CCDC60: variants seen among roughly 807,000 people sequenced by gnomAD.
The protein encoded by CCDC60 is coiled-coil domain containing 60.
Under a neutral mutation model 63.5 loss-of-function variants are expected in CCDC60, and 54 were observed. That is an observed-to-expected ratio of 0.85 (90% confidence interval 0.68 to 1.07). The LOEUF is 1.07. Ranked by LOEUF, CCDC60 falls within the 50% of genes least tolerant of loss-of-function variation. The pLI, the probability that CCDC60 is intolerant of heterozygous loss-of-function variation, is 0.00. For synonymous variants in CCDC60, 206 were observed against 238.8 expected, an observed-to-expected ratio of 0.86 and a Z score of 1.27; for missense variants, 651 against 684.3, an observed-to-expected ratio of 0.95 and a Z score of 0.54.
In CCDC60 at chr12:119,472,123, C is replaced by T. The variant is rs753492770; in HGVS notation, c.300C>T (p.Ala100=). 5.0e-6 allele frequency: 8 copies of T among 1,614,096 alleles called. No individual in the cohort carries two copies. Among genetic ancestry groups the T allele is most frequent in the Non-Finnish European group, 5.1e-6 (6 of 1,180,016 alleles). ...KEEERNKFQP[A]EKISEIHYGD... is the part of the protein sequence containing the mutation. The stretch of plus-strand genomic sequence containing the variant: ...AGGAAAGAAATAAATTCCAGCCAGC[C>T]GAAAAGATCTCAGAAATCCACTATG... Residue 100 remains alanine, a synonymous_variant, in exon 3 of 14, where the codon GCC becomes GCT. Coordinates refer to ENST00000327554, the MANE Select transcript of CCDC60 (RefSeq NM_178499.5).
intron 4 of CCDC60, among the ~76,000 whole-genome samples, chr12:119,483,036 T>C (rs1231244518): frequency 6.6e-6 from 1 of 152,138 alleles, no homozygotes; most frequent in East Asian, 1.9e-4. Flanking sequence ...GTGCTGGTGA[T>C]GATTATTGCA....
intron 3 of CCDC60, among the ~76,000 whole-genome samples, chr12:119,475,041 T>C (rs1566029389): frequency 6.6e-6 from 1 of 152,166 alleles, no homozygotes; most frequent in Non-Finnish European, 1.5e-5. Context: ...TCATGGCTGT[T>C]GGGATCCCAG....
At chr12:119,455,681 T>C (rs1415860265) in intron 2 of CCDC60, among the ~76,000 whole-genome samples, 1 of 150,252 alleles carries the variant, frequency 6.7e-6, no homozygotes, top group African/African-American at 2.5e-5. Flanking sequence ...TGAGCTATGA[T>C]GGCACCACTG....
At chr12:119,528,525 G>T in intron 11 of CCDC60, 90 bp from the exon 12 acceptor site, 1 of 1,392,986 alleles carries the variant, frequency 7.2e-7, no homozygotes, top group African/African-American at 1.4e-5. Flanking sequence ...TGAAGGAAAA[G>T]GTGTTTAAGT....
chr12:119,388,196 G>C (rs1237360915), intron 1 of CCDC60: 2 of 152,210 alleles, frequency 1.3e-5, no homozygotes. Flanking sequence ...GACATGTGCA[G>C]ACATGCCTCT....
intron 4 of CCDC60, among the ~76,000 whole-genome samples, chr12:119,482,397 A>T (rs1252352102): frequency 2.0e-5 from 3 of 151,960 alleles, no homozygotes; most frequent in Non-Finnish European, 4.4e-5. Context: ...GGGTCAGCAA[A>T]CTTTTCTTTA....
intron 1 of CCDC60, among the ~76,000 whole-genome samples, chr12:119,353,486 GTCTCTGTC>G (rs1055958495): frequency 1.8e-4 from 14 of 79,518 alleles, no homozygotes; most frequent in Non-Finnish European, 2.2e-4. Flanking sequence ...CTCCGTCTCT[GTCTCTGTC>G]TCTCTGTCTC....
chr12:119,464,365 A>C (rs1270561245), intron 2 of CCDC60, among the ~76,000 whole-genome samples: 28 of 112,150 alleles, frequency 2.5e-4, no homozygotes, highest in Admixed American at 5.8e-4. Context: ...CCTCCCTCCC[A>C]TTTTCCCTTC....
At chr12:119,369,109 G>T (rs922948285) in intron 1 of CCDC60, among the ~76,000 whole-genome samples, 1 of 152,158 alleles carries the variant, frequency 6.6e-6, no homozygotes, top group South Asian at 2.1e-4. Flanking sequence ...GATACAGGAG[G>T]TAAAAGCAGG....
chr12:119,459,282 C>T (rs1950811224), intron 2 of CCDC60, among the ~76,000 whole-genome samples: 1 of 152,154 alleles, frequency 6.6e-6, no homozygotes, highest in African/African-American at 2.4e-5. Flanking sequence ...GATTCAGATT[C>T]AAGAGGTCTG....
At chr12:119,371,574 G>A (rs554483242) in intron 1 of CCDC60, among the ~76,000 whole-genome samples, 1 of 152,312 alleles carries the variant, frequency 6.6e-6, no homozygotes, top group South Asian at 2.1e-4. Context: ...TCAAATCTTG[G>A]TCAAGACACT....
intron 12 of CCDC60, among the ~76,000 whole-genome samples, chr12:119,529,411 G>T (rs1187090390): frequency 6.6e-6 from 1 of 152,084 alleles, no homozygotes; most frequent in Non-Finnish European, 1.5e-5. Flanking sequence ...TTTAGGATTC[G>T]AACTCCTGTC....
At chr12:119,336,944 G>A (rs1355417957) in intron 1 of CCDC60, among the ~76,000 whole-genome samples, 5 of 152,170 alleles carry the variant, frequency 3.3e-5, no homozygotes, top group Non-Finnish European at 5.9e-5. Context: ...TGCATGGACT[G>A]GCCAAGGTCA....
At chr12:119,408,237 A>G (rs1411720128) in intron 1 of CCDC60, among the ~76,000 whole-genome samples, 1 of 152,214 alleles carries the variant, frequency 6.6e-6, no homozygotes, top group Non-Finnish European at 1.5e-5. Context: ...ACATATTTCT[A>G]TGTGACAAAT....
At chr12:119,507,587 TATA>T (rs1952071858) in intron 7 of CCDC60, among the ~76,000 whole-genome samples, 1 of 34,712 alleles carries the variant, frequency 2.9e-5, no homozygotes, top group East Asian at 2.1e-3. Flanking sequence ...TACACATATA[TATA>T]CATATATATA....
intron 2 of CCDC60, among the ~76,000 whole-genome samples, chr12:119,468,101 C>T (rs767450179): frequency 2.0e-5 from 3 of 151,964 alleles, no homozygotes; most frequent in Non-Finnish European, 4.4e-5. Flanking sequence ...AGTGAAACCT[C>T]GTCTCTACTA....
intron 1 of CCDC60, among the ~76,000 whole-genome samples, chr12:119,360,384 G>C (rs373718554): frequency 4.6e-5 from 4 of 87,572 alleles, no homozygotes; most frequent in African/African-American, 1.4e-4. Context: ...CTGGCCGGGC[G>C]GGGGGCTGAC....
At chr12:119,407,674 C>A (rs1956518649) in intron 1 of CCDC60, among the ~76,000 whole-genome samples, 1 of 152,194 alleles carries the variant, frequency 6.6e-6, no homozygotes, top group African/African-American at 2.4e-5. Flanking sequence ...ACTTAATGAT[C>A]ACCACTGGGT....
At position 119,532,277 on chromosome 12, in the gene CCDC60, C is replaced by T. The variant is rs151294500; in HGVS notation, c.1551+1214C>T. 2.0e-3 allele frequency among the ~76,000 whole-genome samples: 297 copies of T among 152,150 alleles called. 1 individual carries two copies. The highest frequency in any genetic ancestry group is 6.9e-3 in the African/African-American group (288 of 41,502). The stretch of plus-strand genomic sequence containing the variant: ...TGAAGTTATGGAGGACTTTGAAAAG[C>T]TAGTCCCTGCATGGGTAAGAAGAGG... On this transcript the variant is annotated intron_variant, in intron 13 of 13. Transcript: ENST00000327554.
Sources: allele counts gnomAD v4.1 joint callset (sites outside exome capture counted in the v4.1 genomes callset), GRCh38; gene constraint gnomAD v4.1.1; transcripts MANE v1.5; gene names NCBI Gene and HGNC (gene_info 2026-07-23, HGNC 2026-07-21).